MCRIP2: variants seen among roughly 807,000 people sequenced by gnomAD.
MCRIP2 encodes MAPK regulated corepressor interacting protein 2, also known as MAPK regulated co-repressor interacting protein 2.
In MCRIP2, 21 loss-of-function variants were observed where a neutral mutation model predicts 23.2. That is an observed-to-expected ratio of 0.90 (90% CI 0.64 to 1.30). The LOEUF (loss-of-function observed/expected upper bound fraction) is 1.30. Ranked by LOEUF, MCRIP2 falls within the 50% of genes most tolerant of loss-of-function variation. MCRIP2 has a pLI of 0.00. For synonymous variants in MCRIP2, 121 were observed against 100.2 expected, an observed-to-expected ratio of 1.21 and a Z score of -1.24; for missense variants, 234 against 223.2, an observed-to-expected ratio of 1.05 and a Z score of -0.31.
chr16:642,465 C>A, intron 2 of MCRIP2: 3 of 310,922 alleles, frequency 9.6e-6, no homozygotes, highest in Non-Finnish European at 1.0e-5. Flanking sequence ...CGGGCCCGGG[C>A]CCCCAGCGGG....
rs752810595 is a variant in MCRIP2, at chr16:647,498, G to A, written c.264G>A (p.Glu88=). ...STSPSFEGTQ[E]TYTVAHEENV... is the part of the protein sequence containing the mutation. ...CCCCATCCTTCGAGGGGACCCAGGAGACCTACACAGTGGCCCACGAGGAGA... is the reference window on the plus strand; with the variant it reads ...CCCCATCCTTCGAGGGGACCCAGGAAACCTACACAGTGGCCCACGAGGAGA... Residue 88 remains glutamate, a synonymous_variant, in exon 3 of 5, where the codon GAG becomes GAA. Transcript: ENST00000307650. 2 of 1,613,420 alleles carry A rather than the reference G, an allele frequency of 1.2e-6. No homozygotes were observed. Among genetic ancestry groups the A allele is most frequent in the Non-Finnish European group, 1.7e-6 (2 of 1,179,988 alleles).
intron 2 of MCRIP2, 171 bp downstream of exon 2, chr16:642,420 G>C: frequency 2.0e-6 from 1 of 506,016 alleles, no homozygotes; most frequent in Admixed American, 5.4e-5. Context: ...CTACGCGCCC[G>C]CGGGCCTGCG....
Position 646,266 on chromosome 16 carries a change from G to T in MCRIP2, c.183-1151G>T, listed in dbSNP as rs2037479190. ...TTCTGGCTTTCCGAGGTGGGAGTGG[G>T]TTGCAGGCAAGGGGGCTTTCCAAGT... On this transcript the variant is annotated intron_variant, in intron 2 of 4. Coordinates refer to ENST00000307650, the MANE Select transcript of MCRIP2 (RefSeq NM_138418.4). The surrounding 1 kb of genome is among the most constrained non-coding windows in gnomAD (Gnocchi z 6.5). The T allele has an allele frequency of 6.6e-6, 1 of 152,224 alleles. No individual in the cohort carries two copies. The highest frequency in any genetic ancestry group is 2.4e-5 in the African/African-American group (1 of 41,450). 9.4% of individuals were successfully genotyped at this position (152,224 alleles called of 1,614,324 possible).
chr16:647,458 G>A lies in MCRIP2; in HGVS notation c.224G>A (p.Arg75Gln), dbSNP rs1441994606. Residue 75 changes from arginine to glutamine, a missense_variant, in exon 3 of 5, where the codon CGG becomes CAG. Transcript: ENST00000307650. ...GTGTTCAATCGTGTGAATGGCCGGC[G>A]GGCCCCCTCCACGTCCCCATCCTTC... The part of the protein sequence containing the change: ...RLVFNRVNGR[R>Q]APSTSPSFEG... The A allele has an allele frequency of 3.1e-6, 5 of 1,613,406 alleles. No homozygotes were observed. The highest frequency in any genetic ancestry group is 2.2e-5 in the East Asian group (1 of 44,872).
chr16:642,354 AC>A (rs1383206235), intron 2 of MCRIP2, 105 bp downstream of exon 2: 3 of 1,048,744 alleles, frequency 2.9e-6, no homozygotes, highest in Non-Finnish European at 3.5e-6. Flanking sequence ...AGGTCCGGCC[AC>A]GTGCTGCAGG....
At position 643,465 on chromosome 16, in the gene MCRIP2, G is replaced by A. The variant is rs76158198; in HGVS notation, c.182+1216G>A. Among the ~76,000 whole-genome samples the A allele has an allele frequency of 1.6e-4, 24 of 152,072 alleles. No homozygotes were observed. The East Asian group carries it at 3.5e-3, about 22-fold the overall frequency. On this transcript the variant is annotated intron_variant, in intron 2 of 4. Coordinates refer to ENST00000307650, the MANE Select transcript of MCRIP2 (RefSeq NM_138418.4). ...GTTAGGAGGAGTTAGGGAAGAAGAT[G>A]GAAATGCTTCCCAGAGTTCTCCATG...
At chr16:644,506 C>T (rs1453443559) in intron 2 of MCRIP2, among the ~76,000 whole-genome samples, 2 of 151,858 alleles carry the variant, frequency 1.3e-5, no homozygotes, top group Non-Finnish European at 2.9e-5. Flanking sequence ...TGCAGTGGTG[C>T]AATCATGGCT....
Position 641,834 on chromosome 16 carries a change from T to C in MCRIP2, c.-158T>C. On this transcript the variant is annotated 5_prime_UTR_variant, in exon 1 of 5. Coordinates refer to ENST00000307650, the MANE Select transcript of MCRIP2 (RefSeq NM_138418.4). ...GGGCGCAAGCGCCGCCTCCGCCGCGTGTCCGGGGTCAGCCCGAGCCCGTGC... is the reference window on the plus strand; with the variant it reads ...GGGCGCAAGCGCCGCCTCCGCCGCGCGTCCGGGGTCAGCCCGAGCCCGTGC... 1 of 597,008 alleles carries C rather than the reference T, an allele frequency of 1.7e-6. No individual in the cohort carries two copies. Among genetic ancestry groups the C allele is most frequent in the East Asian group, 3.8e-5 (1 of 26,070 alleles). The allele number at this position is 597,008 out of a possible 1,614,324, so 37.0% of individuals were successfully genotyped here.
intron 4 of MCRIP2, 52 bp downstream of exon 4, chr16:647,936 C>T (rs2037538407): frequency 1.8e-6 from 2 of 1,127,200 alleles, no homozygotes; most frequent in Non-Finnish European, 2.5e-6. Context: ...CCCCTCTGAT[C>T]CTGACCCAGG....
chr16:643,391 C>T (rs901881519), intron 2 of MCRIP2, among the ~76,000 whole-genome samples: 12 of 152,098 alleles, frequency 7.9e-5, no homozygotes, highest in African/African-American at 1.9e-4. Flanking sequence ...CCTTTCTTCT[C>T]TCTCCAAGAC....
At chr16:645,833 C>T (rs73487403) in intron 2 of MCRIP2, 1 of 152,240 alleles carries the variant, frequency 6.6e-6, no homozygotes, top group Non-Finnish European at 1.5e-5. Context: ...GCCATGGACT[C>T]TGTTGTTGGA....
Position 642,173 on chromosome 16 carries a change from C to A in MCRIP2, c.106C>A (p.Gln36Lys). 7.4e-7 allele frequency: 1 copy of A among 1,346,766 alleles called. No homozygotes were observed. Among genetic ancestry groups the A allele is most frequent in the East Asian group, 3.3e-5 (1 of 30,112 alleles). The allele number at this position is 1,346,766 out of a possible 1,614,324, so 83.4% of individuals were successfully genotyped here. ...GCTCGGCGAGCTCCTGAAATGCCGG[C>A]AGCCCGCGCCGCCGACCTCGCAGCC... ...GRLGELLKCR[Q>K]PAPPTSQPPR... is the part of the protein sequence containing the mutation. Residue 36 changes from glutamine to lysine, a missense_variant, in exon 2 of 5, where the codon CAG (glutamine) becomes AAG (lysine). Transcript: ENST00000307650.
intron 3 of MCRIP2, 58 bp downstream of exon 3, chr16:647,602 C>G (rs1040504784): frequency 6.3e-7 from 1 of 1,596,290 alleles, no homozygotes; most frequent in Non-Finnish European, 8.5e-7. Context: ...ACCATGGACC[C>G]GGGATGGCCC....
Position 646,923 on chromosome 16 carries a change from G to A in MCRIP2, c.183-494G>A, listed in dbSNP as rs185750505. 31 of 169,504 alleles carry A rather than the reference G, an allele frequency of 1.8e-4. No individual in the cohort carries two copies. In the East Asian group the frequency reaches 4.5e-3, roughly 25 times the overall value. The allele number at this position is 169,504 out of a possible 1,614,324, so 10.5% of individuals were successfully genotyped here. A position where few individuals can be genotyped will look rare whatever the true frequency, so the allele number is the denominator to read the frequency against. On this transcript the variant is annotated intron_variant, in intron 2 of 4. Coordinates refer to ENST00000307650, the MANE Select transcript of MCRIP2 (RefSeq NM_138418.4). This position sits in a 1 kb window ranked among gnomAD's most constrained non-coding sequence, Gnocchi z 6.5. ...CCCCCGTTCCCGTCCAGGTCCATCC[G>A]TCCATGGAGGGAAACATCGTGGAGA...
Position 642,121 on chromosome 16 carries a change from TC to T in MCRIP2, c.57del (p.Thr20ArgfsTer13). ...CTGACCGCCCCCCGGTGCCCGCAGG[TC>T]CCACGCAGCAGCAGGTGGAGGGCCG... The part of the protein sequence containing the change: ...SKLVAQRRTG[P>X]TQQQVEGRLG... On this transcript the variant is annotated frameshift_variant and splice_region_variant, in exon 2 of 5. Coordinates refer to ENST00000307650, the MANE Select transcript of MCRIP2 (RefSeq NM_138418.4). LOFTEE classifies it high-confidence loss of function. 7.3e-7 allele frequency: 1 copy of T among 1,363,998 alleles called. No homozygotes were observed. Among genetic ancestry groups the T allele is most frequent in the Non-Finnish European group, 9.5e-7 (1 of 1,057,986 alleles). 84.5% of individuals were successfully genotyped at this position (1,363,998 alleles called of 1,614,324 possible).
intron 2 of MCRIP2, among the ~76,000 whole-genome samples, chr16:644,920 C>T (rs941080420): frequency 6.6e-6 from 1 of 151,930 alleles, no homozygotes; most frequent in Non-Finnish European, 1.5e-5. Flanking sequence ...GCACTGCCCA[C>T]GACAGTGACA....
Position 648,398 on chromosome 16 carries a change from A to C in MCRIP2, c.*208A>C, listed in dbSNP as rs1467182913. 1 of 592,642 alleles carries C rather than the reference A, an allele frequency of 1.7e-6. No individual in the cohort carries two copies. Among genetic ancestry groups the C allele is most frequent in the Non-Finnish European group, 3.0e-6 (1 of 332,830 alleles). The allele number at this position is 592,642 out of a possible 1,614,324, so 36.7% of individuals were successfully genotyped here. ...AACCCGTCTGACCTCAGCCCTGCTCACTGTGCCCAGGGACCAGCGACCAGC... is the reference window on the plus strand; with the variant it reads ...AACCCGTCTGACCTCAGCCCTGCTCCCTGTGCCCAGGGACCAGCGACCAGC... On this transcript the variant is annotated 3_prime_UTR_variant, in exon 5 of 5. Coordinates refer to ENST00000307650, the MANE Select transcript of MCRIP2 (RefSeq NM_138418.4).
intron 2 of MCRIP2, 192 bp from the exon 3 acceptor site, chr16:647,225 C>T (rs937767001): frequency 1.5e-5 from 10 of 665,210 alleles, no homozygotes; most frequent in Non-Finnish European, 2.3e-5. Context: ...GCTGAGCTGC[C>T]GATGGCTTGG....
intron 2 of MCRIP2, among the ~76,000 whole-genome samples, chr16:644,803 G>A (rs1048538480): frequency 6.6e-6 from 1 of 151,550 alleles, no homozygotes; most frequent in South Asian, 2.1e-4. Context: ...GACTGGGCGC[G>A]GGAGGGGGGT....
Sources: gnomAD v4.1 joint callset for allele counts (sites outside exome capture counted in the v4.1 genomes callset) on GRCh38, gnomAD v4.1.1 for gene constraint, Gnocchi (gnomAD v3.1) non-coding constraint, MANE v1.5 for transcripts, NCBI Gene and HGNC (gene_info 2026-07-23, HGNC 2026-07-21) for gene names.